CDK18: variants seen among roughly 807,000 people sequenced by gnomAD.
CDK18 encodes cyclin dependent kinase 18.
A neutral mutation model predicts 62.0 loss-of-function variants in CDK18; 52 were observed. The ratio of observed to expected loss-of-function variants is 0.84; its 90% CI spans 0.67 to 1.06. The LOEUF (loss-of-function observed/expected upper bound fraction) is 1.06. Among genes scored for constraint, CDK18 ranks in the 50% least tolerant of loss-of-function variants. CDK18 has a pLI of 0.00. For synonymous variants in CDK18, 237 were observed against 247.0 expected (o/e 0.96, Z 0.38); for missense variants, 604 against 619.9 (o/e 0.97, Z 0.27).
chr1:205,523,627 T>C lies in CDK18; in HGVS notation c.273+2T>C. On this transcript the variant is annotated splice_donor_variant, in intron 3 of 15. Coordinates refer to ENST00000429964, the MANE Select transcript of CDK18 (RefSeq NM_212502.3). LOFTEE classifies it high-confidence loss of function. Reference sequence around the variant, plus strand: ...AACCAGCGCCGCTTCTCCATGGAGGTAAGGGCCTCTGGAGCTCTGCCCCGG... The same window carrying C: ...AACCAGCGCCGCTTCTCCATGGAGGCAAGGGCCTCTGGAGCTCTGCCCCGG... The C allele has an allele frequency of 6.4e-7, 1 of 1,567,460 alleles. No individual in the cohort carries two copies. The highest frequency in any genetic ancestry group is 8.6e-7 in the Non-Finnish European group (1 of 1,156,164).
Position 205,527,851 on chromosome 1 carries a change from CACCG to C in CDK18, c.788_791del (p.His263ArgfsTer3), listed in dbSNP as rs1668519392. ...CTACTGTCACCACCGCAAGATCCTGCACCGGGACCTGAAGCCCCAGAACCTGCTC... is the reference window on the plus strand; with the variant it reads ...CTACTGTCACCACCGCAAGATCCTGCGGACCTGAAGCCCCAGAACCTGCTC... On this transcript the variant is annotated frameshift_variant, in exon 9 of 16. Transcript: ENST00000429964. LOFTEE classifies it high-confidence loss of function. This position sits in a 1 kb window ranked among gnomAD's most constrained non-coding sequence, Gnocchi z 4.1. The C allele has an allele frequency of 6.2e-7, 1 of 1,613,976 alleles. No homozygotes were observed. The highest frequency in any genetic ancestry group is 1.3e-5 in the African/African-American group (1 of 74,906).
rs1553412672 is a variant in CDK18 at position 205,531,807 on chromosome 1, G to GCCGC, written c.*431_*432insGCCC. On this transcript the variant is annotated 3_prime_UTR_variant, in exon 16 of 16. Coordinates refer to ENST00000429964, the MANE Select transcript of CDK18 (RefSeq NM_212502.3). The stretch of plus-strand genomic sequence containing the variant: ...GCCAGTTTGGTAGTCCCCCTTTCTG[G>GCCGC]CCCCTTGGAGCCCACACACGTTTCA... The GCCGC allele has an allele frequency of 1.1e-5, 2 of 186,874 alleles. No homozygotes were observed. The highest frequency in any genetic ancestry group is 2.2e-5 in the Non-Finnish European group (2 of 89,074). The allele number at this position is 186,874 out of a possible 1,614,324, so 11.6% of individuals were successfully genotyped here. A position where few individuals can be genotyped will look rare whatever the true frequency, so the allele number is the denominator to read the frequency against.
Position 205,523,592 on chromosome 1 carries a change from G to A in CDK18, c.240G>A (p.Gln80=), listed in dbSNP as rs1226072927. ...AGCTCTCCCCTGGCGTGCAGTTCCAGCGGCGGCAGAACCAGCGCCGCTTCT... is the reference window on the plus strand; with the variant it reads ...AGCTCTCCCCTGGCGTGCAGTTCCAACGGCGGCAGAACCAGCGCCGCTTCT... ...PGQLSPGVQF[Q]RRQNQRRFSM... is the part of the protein sequence containing the mutation. The change falls in exon 3 of 16, where the codon CAG becomes CAA. Residue 80 remains glutamine (Q), a synonymous_variant. Coordinates refer to ENST00000429964, the MANE Select transcript of CDK18 (RefSeq NM_212502.3). 6.3e-7 allele frequency: 1 copy of A among 1,586,308 alleles called. No homozygotes were observed. The highest frequency in any genetic ancestry group is 8.6e-7 in the Non-Finnish European group (1 of 1,166,714).
At position 205,526,538 on chromosome 1, in the gene CDK18, AGGGAGT is replaced by A. The variant is rs1470609873; in HGVS notation, c.666+84_666+89del. 3.8e-5 allele frequency: 46 copies of A among 1,202,176 alleles called. No homozygotes were observed. The Admixed American group carries it at 6.1e-4, about 16-fold the overall frequency. 74.5% of individuals were successfully genotyped at this position (1,202,176 alleles called of 1,614,324 possible). ...GTGTGGGTAGGGGAGTGGGAAGCTGAGGGAGTGGGAGTAGTGGGATGAGGGCGACCC... is the reference window on the plus strand; with the variant it reads ...GTGTGGGTAGGGGAGTGGGAAGCTGAGGGAGTAGTGGGATGAGGGCGACCC... On this transcript the variant is annotated intron_variant, in intron 7 of 15. Coordinates refer to ENST00000429964, the MANE Select transcript of CDK18 (RefSeq NM_212502.3).
Position 205,523,299 on chromosome 1 carries a change from T to G in CDK18, c.130+2T>G. Reference sequence around the variant, plus strand: ...AGCTCCACAACCGGCGGAATGAGAGTGAGGGGTCTGGGCCCACCCAGCACC... The same window carrying G: ...AGCTCCACAACCGGCGGAATGAGAGGGAGGGGTCTGGGCCCACCCAGCACC... On this transcript the variant is annotated splice_donor_variant, in intron 2 of 15. Coordinates refer to ENST00000429964, the MANE Select transcript of CDK18 (RefSeq NM_212502.3). LOFTEE classifies it high-confidence loss of function. The G allele has an allele frequency of 6.2e-7, 1 of 1,613,950 alleles. No individual in the cohort carries two copies. Among genetic ancestry groups the G allele is most frequent in the South Asian group, 1.1e-5 (1 of 91,074 alleles).
At chr1:205,530,791 C>A in intron 15 of CDK18, 86 bp downstream of exon 15, 1 of 1,073,066 alleles carries the variant, frequency 9.3e-7, no homozygotes, top group Non-Finnish European at 1.4e-6. Context: ...CTCCCATGGT[C>A]CCCCCACCAC....
At chr1:205,506,334 C>T (rs1049814289) in intron 1 of CDK18, among the ~76,000 whole-genome samples, 17 of 152,178 alleles carry the variant, frequency 1.1e-4, no homozygotes, top group Admixed American at 2.6e-4. Flanking sequence ...ACCCCTCCCC[C>T]ACCCTTAATC....
intron 13 of CDK18, 61 bp from the exon 14 acceptor site, chr1:205,530,198 G>A (rs1233481628): frequency 2.0e-5 from 32 of 1,600,668 alleles, no homozygotes; most frequent in Non-Finnish European, 2.7e-5. Context: ...CTGGAGTCCT[G>A]CTGCCCAGAG....
chr1:205,507,360 G>A (rs539802826), intron 1 of CDK18, among the ~76,000 whole-genome samples: 2 of 152,130 alleles, frequency 1.3e-5, no homozygotes, highest in African/African-American at 2.4e-5. Context: ...GGCTGGGTGC[G>A]GTGGCTCACG....
Position 205,528,987 on chromosome 1 carries a change from T to G in CDK18, c.975-12T>G, listed in dbSNP as rs768962329. ...CCTGCCTGATGCCGACCCTACCCCT[T>G]GCTCCTCGCAGGGGCGTGGGCTGCA... On this transcript the variant is annotated splice_polypyrimidine_tract_variant and intron_variant, in intron 10 of 15. Coordinates refer to ENST00000429964, the MANE Select transcript of CDK18 (RefSeq NM_212502.3). This position sits in a 1 kb window ranked among gnomAD's most constrained non-coding sequence, Gnocchi z 4.2. 3.2e-6 allele frequency: 5 copies of G among 1,554,774 alleles called. No homozygotes were observed. In the Admixed American group the frequency reaches 7.6e-5, roughly 24 times the overall value.
intron 11 of CDK18, 87 bp downstream of exon 11, chr1:205,529,183 G>A: frequency 2.9e-6 from 4 of 1,380,360 alleles, no homozygotes; most frequent in Non-Finnish European, 4.0e-6. Context: ...GGGGAGGAGC[G>A]GCTCGGCCGC....
chr1:205,523,258 AC>A lies in CDK18; in HGVS notation c.92del (p.Thr31ArgfsTer115). ...CATTGAAGAATCCTTGGCTGAATTC[AC>A]GGAGCAATTCAACCAGCTCCACAAC... is the stretch of plus-strand genomic sequence containing the variant. ...ETIEESLAEF[T>X]EQFNQLHNRR... On this transcript the variant is annotated frameshift_variant, in exon 2 of 16. Transcript: ENST00000429964. LOFTEE classifies it high-confidence loss of function. The A allele has an allele frequency of 6.2e-7, 1 of 1,614,160 alleles. No homozygotes were observed. Among genetic ancestry groups the A allele is most frequent in the Non-Finnish European group, 8.5e-7 (1 of 1,180,010 alleles).
chr1:205,519,056 C>T (rs1034664069), intron 1 of CDK18, among the ~76,000 whole-genome samples: 6 of 152,192 alleles, frequency 3.9e-5, no homozygotes, highest in Admixed American at 2.6e-4. Context: ...ACCAATTGCA[C>T]GGGGACAGCC....
intron 1 of CDK18, among the ~76,000 whole-genome samples, chr1:205,507,798 C>T (rs1279224527): frequency 2.6e-5 from 4 of 152,130 alleles, no homozygotes; most frequent in Admixed American, 1.3e-4. Flanking sequence ...TTTTCCCAGC[C>T]CCATCAGGCC....
rs760721145 is a variant in CDK18, at chr1:205,527,895, G to A, written c.831G>A (p.Gly277=). 4.3e-6 allele frequency: 7 copies of A among 1,614,152 alleles called. No individual in the cohort carries two copies. Among genetic ancestry groups the A allele is most frequent in the Non-Finnish European group, 5.9e-6 (7 of 1,180,016 alleles). The part of the protein sequence containing the change: ...KPQNLLINER[G]ELKLADFGLA... ...AGAACCTGCTCATCAACGAGAGGGG[G>A]GAGCTGAAGCTGGCCGACTTTGGTG... Residue 277 remains glycine (G), a synonymous_variant, in exon 9 of 16, where the codon GGG becomes GGA. Coordinates refer to ENST00000429964, the MANE Select transcript of CDK18 (RefSeq NM_212502.3). This position sits in a 1 kb window ranked among gnomAD's most constrained non-coding sequence, Gnocchi z 4.1.
At position 205,524,347 on chromosome 1, in the gene CDK18, G is replaced by A. The variant is rs373415464; in HGVS notation, c.389G>A (p.Arg130Gln). ...LPKPLSRMSRRASLSDIGFGK... is the reference protein window; with the variant it reads ...LPKPLSRMSRQASLSDIGFGK... The stretch of plus-strand genomic sequence containing the variant: ...AAGCCGCTCAGCCGCATGTCCCGCC[G>A]GGCCTCCCTGGTGAGTCCCAAGAGG... The change falls in exon 4 of 16, where the codon CGG becomes CAG. Residue 130 changes from arginine to glutamine, a missense_variant. Physicochemically the swap from Arg to Gln is conservative, Grantham distance 43. Transcript: ENST00000429964. 1.8e-5 allele frequency: 29 copies of A among 1,614,022 alleles called. No homozygotes were observed. Among genetic ancestry groups the A allele is most frequent in the African/African-American group, 4.0e-5 (3 of 74,926 alleles).
Position 205,530,365 on chromosome 1 carries a change from C to G in CDK18, c.1312+16C>G. The G allele has an allele frequency of 1.2e-6, 2 of 1,609,206 alleles. No individual in the cohort carries two copies. The highest frequency in any genetic ancestry group is 1.7e-6 in the Non-Finnish European group (2 of 1,178,132). On this transcript the variant is annotated intron_variant, in intron 14 of 15. Transcript: ENST00000429964. The stretch of plus-strand genomic sequence containing the variant: ...CTTGAAGACAGTGAGTACTGGGGGT[C>G]CGGGAGCAGGGCCACCCAGAACCAA...
intron 1 of CDK18, among the ~76,000 whole-genome samples, chr1:205,514,058 G>T (rs1187417908): frequency 2.0e-5 from 3 of 152,248 alleles, no homozygotes; most frequent in Admixed American, 6.5e-5. Flanking sequence ...GGCTCTGGGG[G>T]TGCAATGACG....
intron 1 of CDK18, among the ~76,000 whole-genome samples, chr1:205,520,685 G>T (rs1217664414): frequency 1.4e-5 from 2 of 141,756 alleles, no homozygotes; most frequent in Admixed American, 1.5e-4. Flanking sequence ...GGGTGATAGA[G>T]CACGACTCTA....
Sources: gnomAD v4.1 joint callset for allele counts (sites outside exome capture counted in the v4.1 genomes callset) on GRCh38, gnomAD v4.1.1 for gene constraint, Gnocchi (gnomAD v3.1) non-coding constraint, MANE v1.5 for transcripts, NCBI Gene and HGNC (gene_info 2026-07-23, HGNC 2026-07-21) for gene names.